Variants in DARS1 observed in about 807,000 individuals in gnomAD.
DARS1 encodes the protein aspartyl-tRNA synthetase 1.
DARS1 carries 51 observed loss-of-function variants against 68.8 expected under a neutral mutation model. The ratio of observed to expected loss-of-function variants is 0.74; its 90% CI spans 0.59 to 0.94. The LOEUF (loss-of-function observed/expected upper bound fraction) is 0.94, where lower values mean the gene tolerates loss of function less well. Among genes scored for constraint, DARS1 ranks in the 40% least tolerant of loss-of-function variants. The pLI, the probability that DARS1 is intolerant of heterozygous loss-of-function variation, is 0.00. For synonymous variants in DARS1, 203 were observed against 190.4 expected, an observed-to-expected ratio of 1.07 and a Z score of -0.55; for missense variants, 607 against 597.3, an observed-to-expected ratio of 1.02 and a Z score of -0.17.
intron 15 of DARS1, 89 bp from the exon 16 acceptor site, chr2:135,907,496 C>T (rs756024844): frequency 3.9e-5 from 32 of 821,056 alleles, no homozygotes; most frequent in Non-Finnish European, 5.5e-5. Flanking sequence ...AATCGTTAAA[C>T]TAAATACTTT....
chr2:135,984,745 A>G (rs1250404176), intron 1 of DARS1, among the ~76,000 whole-genome samples: 1 of 152,216 alleles, frequency 6.6e-6, no homozygotes, highest in Non-Finnish European at 1.5e-5. Flanking sequence ...GTACTACAGC[A>G]CACATAACTT....
intron 3 of DARS1, among the ~76,000 whole-genome samples, chr2:135,976,265 A>G (rs1017742759): frequency 1.3e-5 from 2 of 152,192 alleles, no homozygotes; most frequent in Non-Finnish European, 2.9e-5. Context: ...AGTGAATTAC[A>G]CTTTCTGCTT....
chr2:135,916,423 C>A, intron 10 of DARS1, 51 bp from the exon 11 acceptor site: 2 of 1,093,894 alleles, frequency 1.8e-6, no homozygotes, highest in South Asian at 1.3e-5. Context: ...AATGTTTCCC[C>A]CACAAGAGGT....
At chr2:135,939,485 G>C (rs1168730729) in intron 5 of DARS1, among the ~76,000 whole-genome samples, 1 of 152,176 alleles carries the variant, frequency 6.6e-6, no homozygotes, top group East Asian at 1.9e-4. Flanking sequence ...CAACATACCA[G>C]AATCTCTGGG....
chr2:135,956,179 T>C (rs1216132093), intron 4 of DARS1, among the ~76,000 whole-genome samples: 1 of 152,178 alleles, frequency 6.6e-6, no homozygotes, highest in Non-Finnish European at 1.5e-5. Context: ...AAACCAGAGA[T>C]GGACAATACT....
intron 15 of DARS1, among the ~76,000 whole-genome samples, chr2:135,907,952 G>A (rs1575379851): frequency 6.6e-6 from 1 of 152,228 alleles, no homozygotes; most frequent in East Asian, 1.9e-4. Flanking sequence ...CAAGATTATG[G>A]TCTCTCCTTT....
rs80296238 is a variant in DARS1, at chr2:135,927,424, C to A, written c.565-2926G>T. On this transcript the variant is annotated intron_variant, in intron 7 of 15. Transcript: ENST00000264161. ...ATTTAATTTATCATTACTATACTTA[C>A]CCTTACCTTAAGATACCTAAATGAA... Among the ~76,000 whole-genome samples, 1,161 of 152,154 alleles carry A rather than the reference C, an allele frequency of 7.6e-3. 97 individuals are homozygous for A. In the East Asian group the frequency reaches 0.19, roughly 26 times the overall value.
At chr2:135,940,953 G>T (rs1281205798) in intron 5 of DARS1, among the ~76,000 whole-genome samples, 1 of 152,100 alleles carries the variant, frequency 6.6e-6, no homozygotes, top group African/African-American at 2.4e-5. Context: ...CAACTTACAA[G>T]GGATGTGAAG....
At chr2:135,977,443 A>G (rs761061251) in intron 3 of DARS1, among the ~76,000 whole-genome samples, 7 of 152,342 alleles carry the variant, frequency 4.6e-5, no homozygotes, top group Non-Finnish European at 1.0e-4. Context: ...ATGGGTGTGA[A>G]GGGAAATATT....
chr2:135,945,711 G>C (rs547787474), intron 4 of DARS1, among the ~76,000 whole-genome samples: 2 of 152,262 alleles, frequency 1.3e-5, no homozygotes, highest in East Asian at 3.9e-4. Context: ...ATTGTTTCCA[G>C]GACGAAACAA....
intron 5 of DARS1, among the ~76,000 whole-genome samples, chr2:135,935,323 G>A (rs115553816): frequency 0.16 from 24,437 of 151,838 alleles, 2,272 homozygotes; most frequent in Middle Eastern, 0.39. Flanking sequence ...TAGGCCAGGC[G>A]CGGTGGCTCA....
chr2:135,913,234 G>A (rs1680933879), intron 12 of DARS1, among the ~76,000 whole-genome samples: 1 of 151,776 alleles, frequency 6.6e-6, no homozygotes, highest in Non-Finnish European at 1.5e-5. Flanking sequence ...ACTATATTAA[G>A]TCCATGAATT....
rs892547836 is a variant in DARS1, at chr2:135,978,960, CT to C, written c.217+313del. ...TTCACTTAAATAATTAAAGTTTACT[CT>C]TTTTTTTCAATTTTTTTTTTTTTTT... On this transcript the variant is annotated intron_variant, in intron 3 of 15. Transcript: ENST00000264161. 43 of 198,244 alleles carry C rather than the reference CT, an allele frequency of 2.2e-4. 1 individual carries two copies. The highest frequency in any genetic ancestry group is 7.7e-4 in the Admixed American group (11 of 14,196). 12.3% of individuals were successfully genotyped at this position (198,244 alleles called of 1,614,324 possible).
chr2:135,920,322 A>G, intron 10 of DARS1, 131 bp downstream of exon 10: 1 of 1,361,504 alleles, frequency 7.3e-7, no homozygotes, highest in Non-Finnish European at 9.6e-7. Context: ...TAAATGGATC[A>G]TCTAACTGGT....
chr2:135,943,697 G>T (rs962214334), intron 4 of DARS1, among the ~76,000 whole-genome samples: 1 of 152,118 alleles, frequency 6.6e-6, no homozygotes, highest in Non-Finnish European at 1.5e-5. Context: ...CCATAATTTA[G>T]TTACCACTTA....
chr2:135,922,942 AT>A, intron 8 of DARS1, 24 bp from the exon 9 acceptor site: 1 of 1,487,650 alleles, frequency 6.7e-7, no homozygotes, highest in Non-Finnish European at 8.9e-7. Context: ...ATTTATATTT[AT>A]ATTATTATAA....
intron 3 of DARS1, among the ~76,000 whole-genome samples, chr2:135,973,796 G>A (rs1008101002): frequency 1.3e-5 from 2 of 152,164 alleles, no homozygotes; most frequent in Non-Finnish European, 2.9e-5. Flanking sequence ...GAGCCTAGGA[G>A]CCACAGGTGC....
chr2:135,924,346 A>C, intron 8 of DARS1, 41 bp downstream of exon 8: 1 of 1,535,918 alleles, frequency 6.5e-7, no homozygotes, highest in Non-Finnish European at 8.7e-7. Flanking sequence ...GGGGAGAGCA[A>C]ATTTATTTTT....
At chr2:135,913,425 GCTTA>G (rs1215158857) in intron 12 of DARS1, among the ~76,000 whole-genome samples, 3 of 152,054 alleles carry the variant, frequency 2.0e-5, no homozygotes, top group South Asian at 2.1e-4. Flanking sequence ...TTTAGAGAAT[GCTTA>G]CTATGTGACC....
Sources: gnomAD v4.1 joint callset for allele counts (sites outside exome capture counted in the v4.1 genomes callset) on GRCh38, gnomAD v4.1.1 for gene constraint, MANE v1.5 for transcripts, NCBI Gene and HGNC (gene_info 2026-07-23, HGNC 2026-07-21) for gene names.